The following CCSER1 variants were observed in gnomAD, a reference collection of about 807,000 sequenced individuals.
The protein encoded by CCSER1 is coiled-coil serine rich protein 1.
Under a neutral mutation model 82.0 loss-of-function variants are expected in CCSER1, and 41 were observed. The ratio of observed to expected loss-of-function variants is 0.50; its 90% confidence interval spans 0.39 to 0.65. The LOEUF (loss-of-function observed/expected upper bound fraction) is 0.65. Among genes scored for constraint, CCSER1 ranks in the 30% least tolerant of loss-of-function variants. CCSER1 has a pLI of 0.00. For missense variants in CCSER1, 1,119 were observed against 1,064.2 expected, an observed-to-expected ratio of 1.05 and a Z score of -0.72; for synonymous variants, 414 against 383.9, an observed-to-expected ratio of 1.08 and a Z score of -0.92.
chr4:90,582,003 AT>A (rs573573963), intron 5 of CCSER1, among the ~76,000 whole-genome samples: 3 of 151,524 alleles, frequency 2.0e-5, no homozygotes, highest in Non-Finnish European at 2.9e-5. Context: ...TAGCTGAGTG[AT>A]TTTTTTCTTA....
At chr4:91,279,064 T>A (rs1298083809) in intron 10 of CCSER1, among the ~76,000 whole-genome samples, 1 of 152,096 alleles carries the variant, frequency 6.6e-6, no homozygotes, top group African/African-American at 2.4e-5. Context: ...GTTTATTTTT[T>A]TTTTTTTCTT....
At chr4:90,779,411 T>A (rs72663609) in intron 7 of CCSER1, among the ~76,000 whole-genome samples, 38,574 of 149,482 alleles carry the variant, frequency 0.26, 5,616 homozygotes, top group East Asian at 0.34. Flanking sequence ...CATCATACTT[T>A]AAAAAAAAAA....
At chr4:90,910,339 A>G (rs1726146031) in intron 8 of CCSER1, among the ~76,000 whole-genome samples, 1 of 152,188 alleles carries the variant, frequency 6.6e-6, no homozygotes, top group African/African-American at 2.4e-5. Context: ...AAAACTACAT[A>G]TCCTTTACAT....
At chr4:91,048,960 A>T (rs1742759646) in intron 9 of CCSER1, among the ~76,000 whole-genome samples, 1 of 152,148 alleles carries the variant, frequency 6.6e-6, no homozygotes, top group African/African-American at 2.4e-5. Flanking sequence ...ACTATTAATG[A>T]TAAGACTCTA....
chr4:90,486,819 T>C (rs1250109574), intron 5 of CCSER1, among the ~76,000 whole-genome samples: 2 of 152,232 alleles, frequency 1.3e-5, no homozygotes, highest in East Asian at 3.9e-4. Context: ...GAAGACTGCA[T>C]GTATTGAAGT....
At chr4:90,586,084 C>G (rs1026280061) in intron 5 of CCSER1, among the ~76,000 whole-genome samples, 3 of 152,114 alleles carry the variant, frequency 2.0e-5, no homozygotes, top group Non-Finnish European at 4.4e-5. Flanking sequence ...TGTTAGGAAC[C>G]GGGCTGCACA....
In CCSER1 at chr4:90,294,319, T is replaced by G. The variant is rs546904579; in HGVS notation, c.-41-13925T>G. ...TTGAGCCTAGGATTTGAGACCTGCC[T>G]GGGCAATATAGCGAGACCCCGTTCT... On this transcript the variant is annotated intron_variant, in intron 1 of 10. Coordinates refer to ENST00000509176, the MANE Select transcript of CCSER1 (RefSeq NM_001145065.2). Among the ~76,000 whole-genome samples the G allele has an allele frequency of 2.9e-4, 44 of 152,124 alleles. 1 individual carries two copies. The highest frequency in any genetic ancestry group is 1.1e-3 in the Admixed American group (17 of 15,256).
At chr4:91,448,369 T>C (rs1755686454) in intron 10 of CCSER1, among the ~76,000 whole-genome samples, 1 of 152,102 alleles carries the variant, frequency 6.6e-6, no homozygotes, top group African/African-American at 2.4e-5. Flanking sequence ...TTTCATTCAA[T>C]AAAATATCTT....
chr4:91,294,026 G>A (rs1299214929), intron 10 of CCSER1, among the ~76,000 whole-genome samples: 2 of 151,444 alleles, frequency 1.3e-5, no homozygotes, highest in African/African-American at 2.4e-5. Context: ...TACATTTCAT[G>A]TTGAGGTCGC....
chr4:90,550,815 A>G (rs1292859495), intron 5 of CCSER1, among the ~76,000 whole-genome samples: 2 of 152,074 alleles, frequency 1.3e-5, no homozygotes, highest in Non-Finnish European at 2.9e-5. Context: ...ATTAATTAGC[A>G]GTAAGTTGGG....
intron 8 of CCSER1, among the ~76,000 whole-genome samples, chr4:90,875,176 C>A (rs1767044712): frequency 6.6e-6 from 1 of 152,144 alleles, no homozygotes. Context: ...TGGCATGAAG[C>A]AGCCTTTATC....
intron 10 of CCSER1, among the ~76,000 whole-genome samples, chr4:91,567,055 T>G (rs1261118430): frequency 6.6e-6 from 1 of 151,872 alleles, no homozygotes; most frequent in Non-Finnish European, 1.5e-5. Context: ...GCCTTAGCTG[T>G]GTCCCAGAGA....
chr4:91,072,230 A>C (rs1721512852), intron 9 of CCSER1, among the ~76,000 whole-genome samples: 1 of 152,204 alleles, frequency 6.6e-6, no homozygotes, highest in East Asian at 1.9e-4. Context: ...AGCCTTAAGC[A>C]ACAATAATCA....
chr4:90,463,246 T>G (rs1372355663), intron 4 of CCSER1, among the ~76,000 whole-genome samples: 1 of 152,222 alleles, frequency 6.6e-6, no homozygotes, highest in East Asian at 1.9e-4. Flanking sequence ...GTAGGGATAT[T>G]ATTGAGTATA....
chr4:90,870,308 T>A (rs1244378104), intron 8 of CCSER1, among the ~76,000 whole-genome samples: 1 of 151,982 alleles, frequency 6.6e-6, no homozygotes, highest in Non-Finnish European at 1.5e-5. Flanking sequence ...CTCTGTTCAC[T>A]ATGATAACTA....
intron 10 of CCSER1, among the ~76,000 whole-genome samples, chr4:91,487,835 CTA>C (rs1357634519): frequency 1.3e-5 from 2 of 151,888 alleles, no homozygotes; most frequent in African/African-American, 4.8e-5. Context: ...AACAACATGA[CTA>C]TTTTTAGAGT....
chr4:90,414,823 G>T (rs926768478), intron 4 of CCSER1, among the ~76,000 whole-genome samples: 9 of 152,022 alleles, frequency 5.9e-5, no homozygotes, highest in African/African-American at 1.9e-4. Flanking sequence ...TATATGTTAT[G>T]AACTATACAA....
chr4:90,213,973 G>A (rs2153416207), intron 1 of CCSER1, among the ~76,000 whole-genome samples: 1 of 152,184 alleles, frequency 6.6e-6, no homozygotes, highest in East Asian at 1.9e-4. Context: ...TAGCTGGAGG[G>A]AGGAGAGGGA....
chr4:90,497,653 A>G (rs1250424928), intron 5 of CCSER1, among the ~76,000 whole-genome samples: 1 of 152,220 alleles, frequency 6.6e-6, no homozygotes, highest in Non-Finnish European at 1.5e-5. Flanking sequence ...GAAATTGAAT[A>G]AAGAATATCA....
Sources: allele counts gnomAD v4.1 joint callset (sites outside exome capture counted in the v4.1 genomes callset), GRCh38; gene constraint gnomAD v4.1.1; transcripts MANE v1.5; gene names NCBI Gene and HGNC (gene_info 2026-07-23, HGNC 2026-07-21).